Variants in PPM1H observed in about 807,000 individuals in gnomAD.
PPM1H encodes protein phosphatase, Mg2+/Mn2+ dependent 1H.
In PPM1H, 27 loss-of-function variants were observed where a neutral mutation model predicts 54.9. That is an observed-to-expected ratio of 0.49 (90% CI 0.36 to 0.68). The LOEUF is 0.68. Ranked by LOEUF, PPM1H falls within the 30% of genes least tolerant of loss-of-function variation. The probability of loss-of-function intolerance (pLI) is 0.00; values close to 1 mark genes in which losing one functional copy is unlikely to be tolerated. For missense variants in PPM1H, 596 were observed against 667.8 expected (o/e 0.89, Z 1.19); for synonymous variants, 305 against 270.8 (o/e 1.13, Z -1.24).
chr12:62,695,871 G>A (rs950441041), intron 6 of PPM1H, among the ~76,000 whole-genome samples: 1 of 152,116 alleles, frequency 6.6e-6, no homozygotes, highest in Admixed American at 6.5e-5. Context: ...GCGTGAACAG[G>A]GATTGAAGAC....
At chr12:62,908,747 G>C (rs1871374213) in intron 1 of PPM1H, among the ~76,000 whole-genome samples, 1 of 152,206 alleles carries the variant, frequency 6.6e-6, no homozygotes, top group Non-Finnish European at 1.5e-5. Context: ...CACCCCGAAG[G>C]AGCCTCCAGT....
At chr12:62,804,109 CA>C (rs2076789741) in intron 2 of PPM1H, among the ~76,000 whole-genome samples, 1 of 151,448 alleles carries the variant, frequency 6.6e-6, no homozygotes, top group Non-Finnish European at 1.5e-5. Flanking sequence ...CTGGGCAAAA[CA>C]AAAAAAGTAT....
At chr12:62,809,530 G>A (rs528847131) in intron 2 of PPM1H, among the ~76,000 whole-genome samples, 27 of 152,188 alleles carry the variant, frequency 1.8e-4, no homozygotes, top group Admixed American at 4.6e-4. Flanking sequence ...CTTCATCAAG[G>A]TTAGGGGTCT....
At chr12:62,706,472 C>T (rs935401407) in intron 6 of PPM1H, among the ~76,000 whole-genome samples, 1 of 152,238 alleles carries the variant, frequency 6.6e-6, no homozygotes, top group African/African-American at 2.4e-5. Flanking sequence ...TCTGCTGTCA[C>T]CTCACGCCCA....
intron 4 of PPM1H, among the ~76,000 whole-genome samples, chr12:62,756,461 C>T (rs1176278480): frequency 2.6e-5 from 4 of 151,724 alleles, no homozygotes; most frequent in Non-Finnish European, 5.9e-5. Context: ...ACATAAGTAA[C>T]ATATACTGCA....
At chr12:62,826,609 C>A (rs1226977444) in intron 2 of PPM1H, among the ~76,000 whole-genome samples, 3 of 152,106 alleles carry the variant, frequency 2.0e-5, no homozygotes, top group Non-Finnish European at 4.4e-5. Context: ...TTGTAAATTT[C>A]ATGTTATTTT....
In PPM1H at chr12:62,934,506, G is replaced by T. The variant is rs1457150512; in HGVS notation, c.231C>A (p.Ala77=). ...ILKETRRLPW[A]TGYAEVINAG... ...GCTGCACTCACTCTGCGTAGCCAGT[G>T]GCCCAGGGCAGCCGCCGAGTCTCCT... The change falls in exon 1 of 10, where the codon GCC becomes GCA. Residue 77 remains alanine, a synonymous_variant. Transcript: ENST00000228705. The surrounding 1 kb of genome is among the most constrained non-coding windows in gnomAD (Gnocchi z 4.2). 26 of 1,546,826 alleles carry T rather than the reference G, an allele frequency of 1.7e-5. No individual in the cohort carries two copies. The highest frequency in any genetic ancestry group is 1.9e-5 in the Non-Finnish European group (22 of 1,146,474).
chr12:62,840,954 C>T (rs986359329), intron 1 of PPM1H, among the ~76,000 whole-genome samples: 18 of 151,340 alleles, frequency 1.2e-4, no homozygotes, highest in African/African-American at 3.6e-4. Context: ...GGTTGTGAAC[C>T]GAACAATGGC....
intron 6 of PPM1H, among the ~76,000 whole-genome samples, chr12:62,700,949 C>A (rs2076140721): frequency 6.6e-6 from 1 of 152,196 alleles, no homozygotes; most frequent in Admixed American, 6.5e-5. Context: ...TCCACCACCA[C>A]CTAACAGTTA....
rs1868888476 is a variant in PPM1H, at chr12:62,844,622, T to C, written c.246-12343A>G. On this transcript the variant is annotated intron_variant, in intron 1 of 9. Coordinates refer to ENST00000228705, the MANE Select transcript of PPM1H (RefSeq NM_020700.2). The surrounding 1 kb of genome is among the most constrained non-coding windows in gnomAD (Gnocchi z 5.2). ...CCATCCTTAAATAAAAAGGACAAGGTGGACTACCAATATATTTCAATTAGT... is the reference window on the plus strand; with the variant it reads ...CCATCCTTAAATAAAAAGGACAAGGCGGACTACCAATATATTTCAATTAGT... Among the ~76,000 whole-genome samples, 1 of 152,210 alleles carries C rather than the reference T, an allele frequency of 6.6e-6. No individual in the cohort carries two copies. The highest frequency in any genetic ancestry group is 2.4e-5 in the African/African-American group (1 of 41,454).
intron 5 of PPM1H, among the ~76,000 whole-genome samples, chr12:62,733,124 A>G (rs1258879138): frequency 1.3e-5 from 2 of 152,206 alleles, no homozygotes; most frequent in Non-Finnish European, 2.9e-5. Context: ...TACCCGTTTC[A>G]TTCAGGAAGA....
rs1334586908 is a variant in PPM1H at position 62,658,975 on chromosome 12, G to C, written c.1397+8203C>G. 1.8e-5 allele frequency: 13 copies of C among 716,046 alleles called. No individual in the cohort carries two copies. In the African/African-American group the frequency reaches 2.1e-4, roughly 11 times the overall value. The allele number at this position is 716,046 out of a possible 1,614,324, so 44.4% of individuals were successfully genotyped here. ...GGGCTCATAGAAGGTTCAAAGGCTA[G>C]ATCTTGATGCCCAACATTGGTTATG... On this transcript the variant is annotated intron_variant, in intron 9 of 9. Transcript: ENST00000228705.
At chr12:62,899,270 G>A (rs1230005882) in intron 1 of PPM1H, among the ~76,000 whole-genome samples, 1 of 151,972 alleles carries the variant, frequency 6.6e-6, no homozygotes, top group Non-Finnish European at 1.5e-5. Context: ...GACAACTGGT[G>A]ATCAAAAAGC....
chr12:62,690,804 T>C (rs766289775), intron 7 of PPM1H, among the ~76,000 whole-genome samples: 80 of 152,106 alleles, frequency 5.3e-4, no homozygotes, highest in Non-Finnish European at 9.4e-4. Context: ...AAACCCCATC[T>C]CTACGAAAAA....
At chr12:62,876,516 G>T (rs1310088501) in intron 1 of PPM1H, among the ~76,000 whole-genome samples, 1 of 152,194 alleles carries the variant, frequency 6.6e-6, no homozygotes, top group Non-Finnish European at 1.5e-5. Context: ...ATGGTAAAAA[G>T]ACTTAAAACC....
chr12:62,929,760 C>T (rs961945045), intron 1 of PPM1H, among the ~76,000 whole-genome samples: 7 of 152,098 alleles, frequency 4.6e-5, no homozygotes, highest in African/African-American at 1.7e-4. Context: ...TATGAAGGAA[C>T]GCTTAGCTGT....
chr12:62,848,132 T>C (rs1869043754), intron 1 of PPM1H, among the ~76,000 whole-genome samples: 1 of 152,240 alleles, frequency 6.6e-6, no homozygotes, highest in Admixed American at 6.5e-5. Context: ...ATTACATTTC[T>C]AAATTGCATA....
At chr12:62,754,629 C>T (rs2076460039) in intron 4 of PPM1H, among the ~76,000 whole-genome samples, 1 of 152,168 alleles carries the variant, frequency 6.6e-6, no homozygotes, top group Admixed American at 6.5e-5. Flanking sequence ...AAGAAAGCAG[C>T]AGTCACTGGT....
In PPM1H at chr12:62,646,646, G is replaced by A. The variant is rs199926014; in HGVS notation, c.*1843C>T. The A allele has an allele frequency of 1.1e-4, 16 of 152,322 alleles. No homozygotes were observed. In the East Asian group the frequency reaches 2.9e-3, roughly 28 times the overall value. The allele number at this position is 152,322 out of a possible 1,614,324, so 9.4% of individuals were successfully genotyped here. ...AAGATCTACTGCAGGAGGAAGAAAC[G>A]TGCTGCAGATGAAGACAACTCCTGA... On this transcript the variant is annotated 3_prime_UTR_variant, in exon 10 of 10. Transcript: ENST00000228705.
Sources: allele counts gnomAD v4.1 joint callset (sites outside exome capture counted in the v4.1 genomes callset), GRCh38; gene constraint gnomAD v4.1.1; non-coding constraint Gnocchi (gnomAD v3.1); transcripts MANE v1.5; gene names NCBI Gene and HGNC (gene_info 2026-07-23, HGNC 2026-07-21).